Variants in ABCC2 observed in about 807,000 individuals in gnomAD.
The protein encoded by ABCC2 is ATP-binding cassette sub-family C member 2.
ABCC2 carries 157 observed loss-of-function variants against 173.4 expected under a neutral mutation model. The ratio of observed to expected loss-of-function variants is 0.91; its 90% CI spans 0.80 to 1.03. The LOEUF (loss-of-function observed/expected upper bound fraction) is 1.03. ABCC2 is among the 50% of genes least tolerant of loss of function. The pLI is 0.00. For missense variants in ABCC2, 1,822 were observed against 1,852.3 expected, an observed-to-expected ratio of 0.98 and a Z score of 0.30; for synonymous variants, 657 against 693.5, an observed-to-expected ratio of 0.95 and a Z score of 0.83.
chr10:99,797,375 A>C, intron 7 of ABCC2, 44 bp downstream of exon 7: 1 of 1,539,000 alleles, frequency 6.5e-7, no homozygotes, highest in African/African-American at 1.4e-5. Context: ...TGCATGTTTC[A>C]GGCAAGGGTA....
chr10:99,850,074 G>A (rs537063930), intron 30 of ABCC2, among the ~76,000 whole-genome samples: 1 of 152,316 alleles, frequency 6.6e-6, no homozygotes, highest in Non-Finnish European at 1.5e-5. Flanking sequence ...TTAGCCTTGA[G>A]GCTAGAATTA....
At position 99,831,928 on chromosome 10, in the gene ABCC2, C is replaced by G. The variant is rs1028860084; in HGVS notation, c.3104-49C>G. 11 of 1,613,412 alleles carry G rather than the reference C, an allele frequency of 6.8e-6. No individual in the cohort carries two copies. The African/African-American group carries it at 1.5e-4, about 22-fold the overall frequency. ...TTGCCATTATGTCCTGGGCACAAGT[C>G]TTCAGGGATTCCTGTGCATGGTGCT... On this transcript the variant is annotated intron_variant, in intron 22 of 31. Coordinates refer to ENST00000647814, the MANE Select transcript of ABCC2 (RefSeq NM_000392.5).
At chr10:99,795,755 GAAA>G (rs1851794417) in intron 6 of ABCC2, among the ~76,000 whole-genome samples, 1 of 126,784 alleles carries the variant, frequency 7.9e-6, no homozygotes, top group Non-Finnish European at 1.7e-5. Flanking sequence ...AAGAAAGAAA[GAAA>G]GAAAGAAAGA....
chr10:99,830,984 C>A, intron 21 of ABCC2, 133 bp downstream of exon 21: 1 of 966,702 alleles, frequency 1.0e-6, no homozygotes, highest in Non-Finnish European at 1.6e-6. Context: ...TCTTCAGACT[C>A]ATTATTAACC....
intron 19 of ABCC2, 122 bp from the exon 20 acceptor site, chr10:99,830,185 G>C (rs1045639860): frequency 1.8e-6 from 2 of 1,106,732 alleles, no homozygotes; most frequent in Admixed American, 3.5e-5. Context: ...ATTCCATGCT[G>C]TATGTACATC....
intron 9 of ABCC2, among the ~76,000 whole-genome samples, chr10:99,801,117 GT>G (rs909722341): frequency 2.6e-4 from 40 of 152,164 alleles, no homozygotes; most frequent in African/African-American, 9.2e-4. Context: ...TCTTTTTTCA[GT>G]TTGTAAATAC....
intron 31 of ABCC2, 31 bp downstream of exon 31, chr10:99,850,827 A>G (rs151266782): frequency 6.2e-7 from 1 of 1,612,896 alleles, no homozygotes; most frequent in South Asian, 1.1e-5. Flanking sequence ...CTTGACACGG[A>G]TGGCTTAACC....
Position 99,792,273 on chromosome 10 carries a change from C to G in ABCC2, c.247C>G (p.Leu83Val), listed in dbSNP as rs757560484. ...TCTTCTTATTCTAGCAGCCATAGAGCTGGCCCTTGTACTCACAGAAGACTC... is the reference window on the plus strand; with the variant it reads ...TCTTCTTATTCTAGCAGCCATAGAGGTGGCCCTTGTACTCACAGAAGACTC... ...GFLLILAAIE[L>V]ALVLTEDSGQ... The change falls in exon 3 of 32, where the codon CTG becomes GTG. Residue 83 changes from leucine (L) to valine (V), a missense_variant. Coordinates refer to ENST00000647814, the MANE Select transcript of ABCC2 (RefSeq NM_000392.5). The G allele has an allele frequency of 3.7e-6, 6 of 1,614,122 alleles. No homozygotes were observed. In the South Asian group the frequency reaches 6.6e-5, roughly 18 times the overall value.
chr10:99,834,806 T>C (rs1762231664), intron 24 of ABCC2, among the ~76,000 whole-genome samples: 1 of 152,180 alleles, frequency 6.6e-6, no homozygotes, highest in South Asian at 2.1e-4. Flanking sequence ...CGGACAGATT[T>C]ACGTTTGGAT....
rs1410039429 is a variant in ABCC2 at position 99,811,516 on chromosome 10, A to G, written c.1901-20A>G. 3.7e-6 allele frequency: 6 copies of G among 1,613,926 alleles called. No homozygotes were observed. The highest frequency in any genetic ancestry group is 5.1e-6 in the Non-Finnish European group (6 of 1,179,852). ...ACGTGGGGACCTACATTGGACTAAA[A>G]GAGGGCTTTTTCTCAACAGACAAAG... is the stretch of plus-strand genomic sequence containing the variant. On this transcript the variant is annotated intron_variant, in intron 14 of 31. Coordinates refer to ENST00000647814, the MANE Select transcript of ABCC2 (RefSeq NM_000392.5).
At chr10:99,795,001 G>A (rs2037874290) in intron 6 of ABCC2, among the ~76,000 whole-genome samples, 1 of 152,090 alleles carries the variant, frequency 6.6e-6, no homozygotes, top group African/African-American at 2.4e-5. Flanking sequence ...TGGTAGCCTA[G>A]GGGTCCCACA....
intron 16 of ABCC2, among the ~76,000 whole-genome samples, chr10:99,816,670 A>G (rs2038421060): frequency 6.6e-6 from 1 of 152,126 alleles, no homozygotes; most frequent in African/African-American, 2.4e-5. Flanking sequence ...GTACTGTTCC[A>G]TGGCCTGTTG....
intron 2 of ABCC2, among the ~76,000 whole-genome samples, chr10:99,789,734 G>T (rs941825774): frequency 7.0e-6 from 1 of 142,172 alleles, no homozygotes; most frequent in Non-Finnish European, 1.5e-5. Flanking sequence ...AAAGAAAAAG[G>T]AAAAGAAAAA....
intron 2 of ABCC2, among the ~76,000 whole-genome samples, chr10:99,786,487 AT>A (rs952621329): frequency 6.6e-6 from 1 of 152,210 alleles, no homozygotes; most frequent in African/African-American, 2.4e-5. Context: ...GCAAACCAAT[AT>A]CCCATCCTAA....
chr10:99,794,519 C>A, intron 6 of ABCC2, 51 bp downstream of exon 6: 1 of 1,497,020 alleles, frequency 6.7e-7, no homozygotes, highest in Non-Finnish European at 9.3e-7. Context: ...TCTCACTCCT[C>A]TGAAAGTGTC....
chr10:99,828,766 G>A (rs186303590), intron 19 of ABCC2, among the ~76,000 whole-genome samples: 2 of 152,134 alleles, frequency 1.3e-5, no homozygotes, highest in East Asian at 3.9e-4. Context: ...GAGAGGTTCT[G>A]TGTGTGTGTT....
chr10:99,800,402 G>C lies in ABCC2; in HGVS notation c.1048G>C (p.Ala350Pro), dbSNP rs1384309752. ...PQLLKLLISF[A>P]SDRDTYLWIG... ...CTCTGGCAGATTGCTGATCTCCTTT[G>C]CAAGTGACCGTGACACATATTTGTG... The change falls in exon 9 of 32, where the codon GCA becomes CCA. Residue 350 changes from alanine to proline, a missense_variant. Coordinates refer to ENST00000647814, the MANE Select transcript of ABCC2 (RefSeq NM_000392.5). 2 of 1,614,148 alleles carry C rather than the reference G, an allele frequency of 1.2e-6. No homozygotes were observed. The highest frequency in any genetic ancestry group is 2.2e-5 in the South Asian group (2 of 91,082).
chr10:99,832,890 A>G (rs2038763337), intron 23 of ABCC2, among the ~76,000 whole-genome samples: 1 of 152,234 alleles, frequency 6.6e-6, no homozygotes, highest in Non-Finnish European at 1.5e-5. Context: ...ATGAATGTGA[A>G]GATCATAGAT....
At chr10:99,849,554 G>T (rs2039061230) in intron 30 of ABCC2, among the ~76,000 whole-genome samples, 1 of 152,218 alleles carries the variant, frequency 6.6e-6, no homozygotes, top group African/African-American at 2.4e-5. Context: ...ACATTTCTCT[G>T]TTGAATGATG....
Sources: gnomAD v4.1 joint callset for allele counts (sites outside exome capture counted in the v4.1 genomes callset) on GRCh38, gnomAD v4.1.1 for gene constraint, MANE v1.5 for transcripts, NCBI Gene and HGNC (gene_info 2026-07-23, HGNC 2026-07-21) for gene names.